The following SCHIP1 variants were observed in gnomAD, a reference collection of about 807,000 sequenced individuals.
The protein encoded by SCHIP1 is schwannomin-interacting protein 1.
In SCHIP1, 8 loss-of-function variants were observed where a neutral mutation model predicts 29.7. The observed-to-expected ratio is 0.27, with a 90% CI of 0.16 to 0.49. SCHIP1 has a LOEUF of 0.49. Ranked by LOEUF, SCHIP1 falls within the 20% of genes least tolerant of loss-of-function variation. The probability of loss-of-function intolerance (pLI) is 0.99; values close to 1 mark genes in which losing one functional copy is unlikely to be tolerated. For missense variants in SCHIP1, 193 were observed against 294.6 expected, an observed-to-expected ratio of 0.66 and a Z score of 2.52; for synonymous variants, 76 against 94.9, an observed-to-expected ratio of 0.80 and a Z score of 1.16.
chr3:159,839,622 C>CT (rs1388559269), upstream of SCHIP1, among the ~76,000 whole-genome samples: 2 of 74,730 alleles, frequency 2.7e-5, no homozygotes, highest in African/African-American at 9.7e-5. Flanking sequence ...TCTTTAAGGT[C>CT]TTTTTCTTTT....
At chr3:159,570,865 C>T in the SCHIP1 span, among the ~76,000 whole-genome samples, 2 of 152,166 alleles carry the variant, frequency 1.3e-5, no homozygotes, top group Admixed American at 6.5e-5. Context: ...CTTTACATCC[C>T]TTGTAAGTTG....
chr3:159,792,668 T>C, the SCHIP1 span, among the ~76,000 whole-genome samples: 1 of 152,260 alleles, frequency 6.6e-6, no homozygotes, highest in Non-Finnish European at 1.5e-5. Flanking sequence ...CTTGCTCATC[T>C]CTAGTAAGGA....
chr3:159,702,878 C>A, the SCHIP1 span, among the ~76,000 whole-genome samples: 1 of 152,122 alleles, frequency 6.6e-6, no homozygotes, highest in Non-Finnish European at 1.5e-5. Flanking sequence ...CAAGAAATAG[C>A]AAAATTTTGT....
At chr3:159,449,379 T>C in the SCHIP1 span, among the ~76,000 whole-genome samples, 1 of 152,184 alleles carries the variant, frequency 6.6e-6, no homozygotes, top group Non-Finnish European at 1.5e-5. Flanking sequence ...TAGCGTATTT[T>C]CTTGCCCTCC....
intron 6 of SCHIP1, chr3:159,892,417 C>G: frequency 1.7e-6 from 1 of 604,990 alleles, no homozygotes; most frequent in South Asian, 2.0e-5. Flanking sequence ...ATTGTCAGTG[C>G]ATTACTTCTC....
upstream of SCHIP1, among the ~76,000 whole-genome samples, chr3:159,836,309 C>T: frequency 6.6e-6 from 1 of 152,304 alleles, no homozygotes; most frequent in Non-Finnish European, 1.5e-5. Flanking sequence ...CTTACTGTGT[C>T]TTCACACAGC....
chr3:159,840,051 A>G, exon 1 of SCHIP1: 1 of 1,485,882 alleles, frequency 6.7e-7, no homozygotes, highest in Non-Finnish European at 8.9e-7. Flanking sequence ...GCGAAACAGC[A>G]TCCATTTTAA....
chr3:159,415,431 T>C, the SCHIP1 span, among the ~76,000 whole-genome samples: 1 of 152,312 alleles, frequency 6.6e-6, no homozygotes, highest in South Asian at 2.1e-4. Flanking sequence ...GTCATCTTTC[T>C]ACTCTTCTTG....
At chr3:159,539,372 AAAG>A in the SCHIP1 span, among the ~76,000 whole-genome samples, 8 of 137,016 alleles carry the variant, frequency 5.8e-5, 1 homozygote, top group Non-Finnish European at 8.3e-5. Flanking sequence ...AACAAGGAAA[AAAG>A]AAGAGAAAAC....
At chr3:159,575,696 C>T in the SCHIP1 span, among the ~76,000 whole-genome samples, 1 of 152,226 alleles carries the variant, frequency 6.6e-6, no homozygotes, top group Admixed American at 6.5e-5. Flanking sequence ...CAGCCTCCCA[C>T]AGTTCTGGGA....
the SCHIP1 span, among the ~76,000 whole-genome samples, chr3:159,450,080 C>T: frequency 1.3e-5 from 2 of 152,146 alleles, no homozygotes; most frequent in Non-Finnish European, 2.9e-5. Flanking sequence ...CAAAATCAGA[C>T]TTATCTCTAT....
chr3:159,562,952 G>T, the SCHIP1 span, among the ~76,000 whole-genome samples: 2 of 152,190 alleles, frequency 1.3e-5, no homozygotes, highest in East Asian at 3.9e-4. Flanking sequence ...TTCTAGATTT[G>T]ACAAAACATA....
chr3:159,791,143 G>A, the SCHIP1 span, among the ~76,000 whole-genome samples: 1 of 152,176 alleles, frequency 6.6e-6, no homozygotes, highest in East Asian at 1.9e-4. Flanking sequence ...AGGGACCTCA[G>A]CGCAGATAAG....
the SCHIP1 span, among the ~76,000 whole-genome samples, chr3:159,423,233 G>A: frequency 7.7e-4 from 117 of 152,326 alleles, no homozygotes; most frequent in Non-Finnish European, 4.1e-4. Flanking sequence ...CGCACCATGC[G>A]CAAGGTGAAG....
At chr3:159,385,752 G>A in the SCHIP1 span, among the ~76,000 whole-genome samples, 16 of 152,204 alleles carry the variant, frequency 1.1e-4, no homozygotes, top group Admixed American at 9.2e-4. Flanking sequence ...TGTGCAGAAC[G>A]TGCAGGTTTG....
At chr3:159,851,448 C>G (rs1712625003) in intron 1 of SCHIP1, among the ~76,000 whole-genome samples, 1 of 152,140 alleles carries the variant, frequency 6.6e-6, no homozygotes, top group African/African-American at 2.4e-5. Context: ...CTGTAAAACA[C>G]AATTGATAGT....
chr3:159,528,632 G>A, the SCHIP1 span, among the ~76,000 whole-genome samples: 4 of 152,028 alleles, frequency 2.6e-5, no homozygotes, highest in Non-Finnish European at 4.4e-5. Flanking sequence ...TCCTCGCCAC[G>A]TTTTGGAGAA....
At chr3:159,545,398 G>A in the SCHIP1 span, among the ~76,000 whole-genome samples, 1 of 151,888 alleles carries the variant, frequency 6.6e-6, no homozygotes, top group South Asian at 2.1e-4. Flanking sequence ...AAAGAGACTG[G>A]CCTAGCCTCC....
chr3:159,712,084 G>A, the SCHIP1 span, among the ~76,000 whole-genome samples: 1 of 152,068 alleles, frequency 6.6e-6, no homozygotes, highest in South Asian at 2.1e-4. Flanking sequence ...CTGGTGGCAG[G>A]AACGCTGCTA....
Sources: gnomAD v4.1 joint callset for allele counts (sites outside exome capture counted in the v4.1 genomes callset) on GRCh38, gnomAD v4.1.1 for gene constraint, MANE v1.5 for transcripts, NCBI Gene and HGNC (gene_info 2026-07-23, HGNC 2026-07-21) for gene names.